PCDH15: variants seen among roughly 807,000 people sequenced by gnomAD.
The protein encoded by PCDH15 is protocadherin-15.
Under a neutral mutation model 178.5 loss-of-function variants are expected in PCDH15, and 129 were observed. The ratio of observed to expected loss-of-function variants is 0.72; its 90% CI spans 0.63 to 0.84. The LOEUF (loss-of-function observed/expected upper bound fraction) is 0.84, where lower values mean the gene tolerates loss of function less well. Among genes scored for constraint, PCDH15 ranks in the 40% least tolerant of loss-of-function variants. The probability of loss-of-function intolerance (pLI) is 0.00; values close to 1 mark genes in which losing one functional copy is unlikely to be tolerated. For synonymous variants in PCDH15, 800 were observed against 732.0 expected, an observed-to-expected ratio of 1.09 and a Z score of -1.50; for missense variants, 2,230 against 2,099.9, an observed-to-expected ratio of 1.06 and a Z score of -1.21.
intron 25 of PCDH15, among the ~76,000 whole-genome samples, chr10:53,908,910 C>T (rs2082867790): frequency 6.6e-6 from 1 of 152,176 alleles, no homozygotes; most frequent in Non-Finnish European, 1.5e-5. Flanking sequence ...CAGTTCCTCA[C>T]TTTAAAAACA....
At chr10:55,060,658 T>C (rs545957061) in intron 2 of PCDH15, among the ~76,000 whole-genome samples, 2 of 151,924 alleles carry the variant, frequency 1.3e-5, no homozygotes, top group Non-Finnish European at 2.9e-5. Context: ...AAATGGATAA[T>C]AGGGGAAGCA....
chr10:54,402,327 A>C (rs1163100863), intron 3 of PCDH15, among the ~76,000 whole-genome samples: 1 of 152,012 alleles, frequency 6.6e-6, no homozygotes, highest in Non-Finnish European at 1.5e-5. Context: ...ATTTCTATTC[A>C]TCATGGTAGT....
At chr10:54,744,385 G>A (rs960379811) in intron 1 of PCDH15, among the ~76,000 whole-genome samples, 3 of 152,012 alleles carry the variant, frequency 2.0e-5, no homozygotes, top group Admixed American at 6.6e-5. Flanking sequence ...TATCCAGTAA[G>A]ATTTTGAATA....
intron 32 of PCDH15, chr10:53,823,371 G>T: frequency 6.2e-7 from 1 of 1,607,550 alleles, no homozygotes; most frequent in Non-Finnish European, 8.5e-7. Context: ...TGAAAGAAAA[G>T]AAGATAATGA....
At chr10:54,024,006 T>C (rs1270135076) in intron 18 of PCDH15, among the ~76,000 whole-genome samples, 2 of 152,110 alleles carry the variant, frequency 1.3e-5, no homozygotes. Context: ...CTGTAATGTA[T>C]GTGCAAGGGA....
At chr10:54,793,254 T>C (rs1191091361) in intron 1 of PCDH15, among the ~76,000 whole-genome samples, 1 of 151,832 alleles carries the variant, frequency 6.6e-6, no homozygotes, top group Non-Finnish European at 1.5e-5. Flanking sequence ...TCCACACCCA[T>C]TCTGCAGCAA....
chr10:55,518,028 G>A (rs1296055068), intron 2 of PCDH15, among the ~76,000 whole-genome samples: 2 of 152,066 alleles, frequency 1.3e-5, no homozygotes, highest in Non-Finnish European at 2.9e-5. Flanking sequence ...AGAGACAGGG[G>A]CTAATATTAA....
At chr10:54,803,887 A>G (rs1342522636), upstream of PCDH15, among the ~76,000 whole-genome samples, 4 of 152,242 alleles carry the variant, frequency 2.6e-5, no homozygotes, top group Admixed American at 6.5e-5. Flanking sequence ...GTCACATAAT[A>G]CAGTTTAAAA....
At chr10:55,508,595 T>G (rs1160923641) in intron 2 of PCDH15, among the ~76,000 whole-genome samples, 1 of 151,838 alleles carries the variant, frequency 6.6e-6, no homozygotes, top group African/African-American at 2.4e-5. Context: ...TACTTTTCTA[T>G]GTAACTTCTT....
chr10:55,566,261 C>T (rs1564457196), intron 2 of PCDH15, among the ~76,000 whole-genome samples: 3 of 151,426 alleles, frequency 2.0e-5, no homozygotes, highest in Middle Eastern at 3.4e-3. Context: ...TATACCCTTT[C>T]GTGATTTAAA....
intron 2 of PCDH15, among the ~76,000 whole-genome samples, chr10:55,466,961 T>C (rs1000105287): frequency 6.6e-6 from 1 of 152,192 alleles, no homozygotes; most frequent in African/African-American, 2.4e-5. Context: ...GAATGCTCCC[T>C]GATCTATCCA....
intron 2 of PCDH15, among the ~76,000 whole-genome samples, chr10:55,520,880 T>C (rs959596913): frequency 1.6e-4 from 24 of 151,964 alleles, no homozygotes; most frequent in African/African-American, 5.6e-4. Context: ...AATACATATA[T>C]ACATCAAGCT....
At chr10:53,889,086 G>C (rs2081378032) in intron 26 of PCDH15, among the ~76,000 whole-genome samples, 1 of 150,956 alleles carries the variant, frequency 6.6e-6, no homozygotes, top group East Asian at 1.9e-4. Flanking sequence ...ATCCCATATG[G>C]ACTGTAAATC....
intron 25 of PCDH15, among the ~76,000 whole-genome samples, chr10:53,926,212 A>G (rs149693579): frequency 3.9e-5 from 6 of 152,246 alleles, no homozygotes; most frequent in African/African-American, 1.2e-4. Context: ...CATTCATTCT[A>G]TCTCTCTCCA....
chr10:54,238,395 C>A (rs765496692), intron 8 of PCDH15, among the ~76,000 whole-genome samples: 3 of 151,352 alleles, frequency 2.0e-5, no homozygotes, highest in Non-Finnish European at 2.9e-5. Flanking sequence ...AATTATTGAC[C>A]AATAATTTAA....
intron 2 of PCDH15, among the ~76,000 whole-genome samples, chr10:55,039,726 T>C (rs891656702): frequency 6.6e-6 from 1 of 152,108 alleles, no homozygotes; most frequent in Middle Eastern, 3.2e-3. Context: ...GTGGAGAAAC[T>C]AGTGAAAAAG....
chr10:54,249,407 G>T (rs1038155006), intron 8 of PCDH15, among the ~76,000 whole-genome samples: 1 of 152,066 alleles, frequency 6.6e-6, no homozygotes, highest in Non-Finnish European at 1.5e-5. Flanking sequence ...CTAGAGTGTT[G>T]CTAGTTAAGC....
intron 1 of PCDH15, among the ~76,000 whole-genome samples, chr10:55,269,384 A>C (rs1377999654): frequency 1.3e-5 from 2 of 152,144 alleles, no homozygotes; most frequent in Non-Finnish European, 2.9e-5. Flanking sequence ...GAAAAATCCT[A>C]ATGACCCCAT....
intron 2 of PCDH15, among the ~76,000 whole-genome samples, chr10:55,378,977 G>T (rs1487318835): frequency 6.6e-6 from 1 of 150,596 alleles, no homozygotes; most frequent in Non-Finnish European, 1.5e-5. Context: ...CCGTATCATA[G>T]TCCATACAAC....
Sources: allele counts gnomAD v4.1 joint callset (sites outside exome capture counted in the v4.1 genomes callset), GRCh38; gene constraint gnomAD v4.1.1; transcripts MANE v1.5; gene names NCBI Gene and HGNC (gene_info 2026-07-23, HGNC 2026-07-21).